The following CDH18 variants were observed in gnomAD, a reference collection of about 807,000 sequenced individuals.
CDH18 encodes cadherin-18.
Under a neutral mutation model 67.9 loss-of-function variants are expected in CDH18, and 31 were observed. The observed-to-expected ratio is 0.46, with a 90% CI of 0.34 to 0.62. The LOEUF is 0.62. Among genes scored for constraint, CDH18 ranks in the 20% least tolerant of loss-of-function variants. The probability of loss-of-function intolerance (pLI) is 0.01; values close to 1 mark genes in which losing one functional copy is unlikely to be tolerated. For synonymous variants in CDH18, 362 were observed against 347.2 expected (o/e 1.04, Z -0.48); for missense variants, 890 against 975.5 (o/e 0.91, Z 1.17).
intron 6 of CDH18, among the ~76,000 whole-genome samples, chr5:19,591,971 G>GTCT (rs1305178570): frequency 6.6e-6 from 1 of 152,050 alleles, no homozygotes; most frequent in African/African-American, 2.4e-5. Flanking sequence ...TATTTTGGGT[G>GTCT]AAGACAGTGA....
At chr5:19,788,568 T>A (rs1409008972) in intron 3 of CDH18, among the ~76,000 whole-genome samples, 1 of 152,176 alleles carries the variant, frequency 6.6e-6, no homozygotes, top group Non-Finnish European at 1.5e-5. Flanking sequence ...TGTCTGCCTA[T>A]GAGATCCATC....
intron 6 of CDH18, among the ~76,000 whole-genome samples, chr5:19,600,632 G>A (rs939200863): frequency 1.5e-4 from 22 of 150,670 alleles, no homozygotes; most frequent in African/African-American, 5.1e-4. Context: ...TTTCATGAAG[G>A]TCTGTCCATT....
intron 10 of CDH18, among the ~76,000 whole-genome samples, chr5:19,520,254 C>G (rs1190706047): frequency 6.6e-6 from 1 of 152,160 alleles, no homozygotes; most frequent in Non-Finnish European, 1.5e-5. Flanking sequence ...ATCAGCATCA[C>G]TCAATCATCA....
At chr5:20,002,700 GATATCA>G (rs757798210) in intron 2 of CDH18, among the ~76,000 whole-genome samples, 1 of 152,144 alleles carries the variant, frequency 6.6e-6, no homozygotes, top group Non-Finnish European at 1.5e-5. Context: ...GATTTGCGGA[GATATCA>G]ATATGGTTCT....
At chr5:20,098,162 C>G (rs914153341) in intron 2 of CDH18, among the ~76,000 whole-genome samples, 4 of 151,698 alleles carry the variant, frequency 2.6e-5, no homozygotes, top group African/African-American at 9.7e-5. Context: ...ATTAATGCAA[C>G]CATTTGAAAA....
chr5:20,501,572 ATATATATATT>A (rs1754304976), intron 1 of CDH18, among the ~76,000 whole-genome samples: 4 of 25,198 alleles, frequency 1.6e-4, no homozygotes, highest in Non-Finnish European at 2.4e-4. Flanking sequence ...TATATATAAT[ATATATATATT>A]ATATATATAT....
At chr5:19,521,120 A>T (rs1181937205) in intron 9 of CDH18, among the ~76,000 whole-genome samples, 3 of 152,184 alleles carry the variant, frequency 2.0e-5, no homozygotes, top group Non-Finnish European at 4.4e-5. Context: ...AATCTAAGAA[A>T]AACACAGCAG....
At chr5:19,593,766 T>TCTTCTTCTTCTTCTTCTTC (rs1554055043) in intron 6 of CDH18, among the ~76,000 whole-genome samples, 3 of 149,190 alleles carry the variant, frequency 2.0e-5, no homozygotes, top group Non-Finnish European at 4.4e-5. Context: ...CTTCTTTCCT[T>TCTTCTTCTTCTTCTTCTTC]TTATTATTGA....
chr5:19,930,799 A>G (rs552400900), intron 2 of CDH18, among the ~76,000 whole-genome samples: 1 of 152,170 alleles, frequency 6.6e-6, no homozygotes, highest in South Asian at 2.1e-4. Context: ...AAAGATGATC[A>G]TGTCTTCATT....
At chr5:20,066,704 T>A (rs115464050) in intron 2 of CDH18, among the ~76,000 whole-genome samples, 1 of 151,920 alleles carries the variant, frequency 6.6e-6, no homozygotes, top group Admixed American at 6.6e-5. Context: ...TAAGAAAAAG[T>A]AGGTATATAG....
Position 19,483,356 on chromosome 5 carries a change from A to C in CDH18, c.1827T>G (p.Ala609=). Residue 609 remains alanine (A), a synonymous_variant, in exon 12 of 13, where the codon GCT becomes GCG. Transcript: ENST00000382275. ...TCHAEAFLSS[A]GLSTGALIAI... is the part of the protein sequence containing the mutation. ...CGATTAAGGCTCCTGTACTCAAACCAGCCGAGGACAGGAAGGCTTCTGCAT... is the reference window on the plus strand; with the variant it reads ...CGATTAAGGCTCCTGTACTCAAACCCGCCGAGGACAGGAAGGCTTCTGCAT... The C allele has an allele frequency of 6.2e-7, 1 of 1,614,032 alleles. No individual in the cohort carries two copies. The highest frequency in any genetic ancestry group is 1.1e-5 in the South Asian group (1 of 91,076).
At chr5:20,130,419 A>T (rs1046028278) in intron 2 of CDH18, among the ~76,000 whole-genome samples, 38 of 128,656 alleles carry the variant, frequency 3.0e-4, no homozygotes, top group Admixed American at 9.7e-4. Context: ...TTTTTTTTTC[A>T]CTTACGACTT....
At chr5:20,212,171 A>C (rs185538576) in intron 2 of CDH18, among the ~76,000 whole-genome samples, 1 of 152,288 alleles carries the variant, frequency 6.6e-6, no homozygotes, top group African/African-American at 2.4e-5. Flanking sequence ...AACTGGAAGA[A>C]AGGGTATCAG....
intron 5 of CDH18, among the ~76,000 whole-genome samples, chr5:19,632,154 A>G (rs1181697803): frequency 1.3e-5 from 2 of 152,216 alleles, no homozygotes; most frequent in Admixed American, 6.5e-5. Flanking sequence ...CTTTAAAAAA[A>G]TAAAGAGTAC....
At chr5:20,045,198 A>C (rs1489691110) in intron 2 of CDH18, among the ~76,000 whole-genome samples, 1 of 152,194 alleles carries the variant, frequency 6.6e-6, no homozygotes, top group African/African-American at 2.4e-5. Flanking sequence ...TTTAAAGAAT[A>C]GCCTTAATAA....
intron 2 of CDH18, among the ~76,000 whole-genome samples, chr5:20,245,564 A>G (rs533574700): frequency 3.0e-4 from 45 of 152,260 alleles, no homozygotes; most frequent in Non-Finnish European, 5.6e-4. Context: ...CTTTCTTATC[A>G]GATTTTGAGA....
intron 1 of CDH18, among the ~76,000 whole-genome samples, chr5:20,505,876 A>G (rs1043206679): frequency 1.6e-4 from 24 of 152,188 alleles, no homozygotes; most frequent in African/African-American, 5.8e-4. Flanking sequence ...CTTGCAGAGC[A>G]TACACTCCCC....
At position 20,571,564 on chromosome 5, in the gene CDH18, C is replaced by T. The variant is rs545036075; in HGVS notation, c.-580+3898G>A. Reference sequence around the variant, plus strand: ...CACAGAACTTTGTGTATTGTATATGCTTTGTATATTGTATATGCTAGTTGC... The same window carrying T: ...CACAGAACTTTGTGTATTGTATATGTTTTGTATATTGTATATGCTAGTTGC... On this transcript the variant is annotated intron_variant, in intron 1 of 14. Coordinates refer to the CDH18 transcript ENST00000507958. Among the ~76,000 whole-genome samples the T allele has an allele frequency of 2.1e-4, 32 of 152,042 alleles. 1 individual carries two copies. In the South Asian group the frequency reaches 4.8e-3, roughly 23 times the overall value.
chr5:20,105,431 G>T (rs141927470), intron 2 of CDH18, among the ~76,000 whole-genome samples: 2 of 152,194 alleles, frequency 1.3e-5, no homozygotes, highest in Non-Finnish European at 2.9e-5. Context: ...CCAATTTTAA[G>T]TATACAATTT....
Sources: allele counts gnomAD v4.1 joint callset (sites outside exome capture counted in the v4.1 genomes callset), GRCh38; gene constraint gnomAD v4.1.1; transcripts MANE v1.5; gene names NCBI Gene and HGNC (gene_info 2026-07-23, HGNC 2026-07-21).